The following USP3 variants were observed in gnomAD, a reference collection of about 807,000 sequenced individuals.
USP3 encodes the protein ubiquitin carboxyl-terminal hydrolase 3.
In USP3, 20 loss-of-function variants were observed where a neutral mutation model predicts 72.3. That is an observed-to-expected ratio of 0.28 (90% confidence interval 0.19 to 0.40). The LOEUF (loss-of-function observed/expected upper bound fraction) is 0.40, where lower values mean the gene tolerates loss of function less well. Among genes scored for constraint, USP3 ranks in the 10% least tolerant of loss-of-function variants. The pLI, the probability that USP3 is intolerant of heterozygous loss-of-function variation, is 1.00. For missense variants in USP3, 479 were observed against 633.9 expected (o/e 0.76, Z 2.62); for synonymous variants, 222 against 225.3 (o/e 0.99, Z 0.13).
intron 1 of USP3, among the ~76,000 whole-genome samples, chr15:63,512,290 CTCTTCTTCT>C (rs147194184): frequency 3.3e-5 from 5 of 150,560 alleles, no homozygotes; most frequent in African/African-American, 1.2e-4. Flanking sequence ...CCTCTTCTTC[CTCTTCTTCT>C]TCCTCCTCTT....
chr15:63,510,274 C>A (rs1388654760), intron 1 of USP3, among the ~76,000 whole-genome samples: 1 of 152,126 alleles, frequency 6.6e-6, no homozygotes, highest in Non-Finnish European at 1.5e-5. Context: ...AAATTTGAGT[C>A]CCTCTTCCAT....
intron 3 of USP3, among the ~76,000 whole-genome samples, chr15:63,539,289 A>T (rs1320775130): frequency 6.6e-6 from 1 of 152,164 alleles, no homozygotes; most frequent in African/African-American, 2.4e-5. Flanking sequence ...ATAGTACCAG[A>T]TACTGAGAAC....
intron 1 of USP3, among the ~76,000 whole-genome samples, chr15:63,523,828 T>C (rs908203162): frequency 6.6e-6 from 1 of 152,182 alleles, no homozygotes; most frequent in Non-Finnish European, 1.5e-5. Context: ...TTGTAATTAT[T>C]TAGAAGCATT....
intron 7 of USP3, among the ~76,000 whole-genome samples, chr15:63,561,828 A>G (rs141744071): frequency 1.3e-5 from 2 of 152,354 alleles, no homozygotes; most frequent in East Asian, 3.9e-4. Flanking sequence ...AGGGTTGAGA[A>G]AGAAGATATT....
rs1482365902 is a variant in USP3 at position 63,528,185 on chromosome 15, G to A, written c.92-4462G>A. The A allele has an allele frequency of 6.6e-6, 1 of 152,202 alleles. No homozygotes were observed. The highest frequency in any genetic ancestry group is 6.5e-5 in the Admixed American group (1 of 15,284). The allele number at this position is 152,202 out of a possible 1,614,324, so 9.4% of individuals were successfully genotyped here. On this transcript the variant is annotated intron_variant, in intron 1 of 14. Coordinates refer to ENST00000380324, the MANE Select transcript of USP3 (RefSeq NM_006537.4). The surrounding 1 kb of genome is among the most constrained non-coding windows in gnomAD (Gnocchi z 4.3). ...CTGAGAAGTGAGACACTGCAGTCAG[G>A]GTTGGAAGAATCCAAGTAAACCGAA...
At chr15:63,510,457 A>G (rs183091069) in intron 1 of USP3, among the ~76,000 whole-genome samples, 45 of 152,246 alleles carry the variant, frequency 3.0e-4, no homozygotes, top group Admixed American at 2.3e-3. Context: ...ACATACATAC[A>G]GGTTTGTGTT....
intron 3 of USP3, among the ~76,000 whole-genome samples, chr15:63,540,722 T>C (rs1272482146): frequency 1.3e-5 from 2 of 152,198 alleles, no homozygotes; most frequent in African/African-American, 4.8e-5. Context: ...TAAATCAGGT[T>C]ACTGTTCATT....
At position 63,574,472 on chromosome 15, in the gene USP3, A is replaced by G. The variant is rs563397370; in HGVS notation, c.1096+69A>G. ...TTGAATAGATTGATAAGCTTCATCT[A>G]TATGTGGTATCTTTAATTAATATCT... On this transcript the variant is annotated intron_variant, in intron 11 of 14. Transcript: ENST00000380324. The surrounding 1 kb of genome is among the most constrained non-coding windows in gnomAD (Gnocchi z 4.6). 8.5e-7 allele frequency: 1 copy of G among 1,176,130 alleles called. No individual in the cohort carries two copies. Among genetic ancestry groups the G allele is most frequent in the Admixed American group, 2.6e-5 (1 of 38,986 alleles). 72.9% of individuals were successfully genotyped at this position (1,176,130 alleles called of 1,614,324 possible). A position where few individuals can be genotyped will look rare whatever the true frequency, so the allele number is the denominator to read the frequency against.
At chr15:63,556,229 C>T (rs185759472) in intron 4 of USP3, 2 of 153,388 alleles carry the variant, frequency 1.3e-5, no homozygotes, top group African/African-American at 4.8e-5. Context: ...TCTATTAAGA[C>T]AAATGAGCAA....
intron 11 of USP3, among the ~76,000 whole-genome samples, chr15:63,580,955 C>T (rs1244031702): frequency 4.6e-5 from 7 of 151,792 alleles, no homozygotes; most frequent in Admixed American, 2.0e-4. Context: ...ATTGCAGGCA[C>T]GAGCCACCAT....
chr15:63,511,935 A>G (rs1025566711), intron 1 of USP3, among the ~76,000 whole-genome samples: 1 of 151,556 alleles, frequency 6.6e-6, no homozygotes, highest in Admixed American at 6.6e-5. Flanking sequence ...ATAAAAACTA[A>G]AACTAGTAAC....
At chr15:63,575,152 A>G (rs541046988) in intron 11 of USP3, among the ~76,000 whole-genome samples, 90 of 134,620 alleles carry the variant, frequency 6.7e-4, no homozygotes, top group African/African-American at 2.5e-3. Flanking sequence ...GAGTATTGTC[A>G]TGATGGTTTT....
At chr15:63,518,932 AT>A (rs1307953303) in intron 1 of USP3, among the ~76,000 whole-genome samples, 58 of 152,054 alleles carry the variant, frequency 3.8e-4, no homozygotes, top group Admixed American at 4.6e-4. Flanking sequence ...CGCCCGGCTA[AT>A]TTTTTGTATT....
Position 63,544,101 on chromosome 15 carries a change from A to T in USP3, c.284+6945A>T, listed in dbSNP as rs1319244414. 1 of 150,982 alleles carries T rather than the reference A, an allele frequency of 6.6e-6. No individual in the cohort carries two copies. Among genetic ancestry groups the T allele is most frequent in the African/African-American group, 2.4e-5 (1 of 41,252 alleles). The allele number at this position is 150,982 out of a possible 1,614,324, so 9.4% of individuals were successfully genotyped here. A position where few individuals can be genotyped will look rare whatever the true frequency, so the allele number is the denominator to read the frequency against. On this transcript the variant is annotated intron_variant, in intron 3 of 14. Transcript: ENST00000380324. This position sits in a 1 kb window ranked among gnomAD's most constrained non-coding sequence, Gnocchi z 4.2. Reference sequence around the variant, plus strand: ...ATAGTATGAAGATATTGTGAATAGCAAGACATTTAATATAGTTTATTTCAT... The same window carrying T: ...ATAGTATGAAGATATTGTGAATAGCTAGACATTTAATATAGTTTATTTCAT...
rs1225959131 is a variant in USP3 at position 63,526,231 on chromosome 15, C to T, written c.92-6416C>T. On this transcript the variant is annotated intron_variant, in intron 1 of 14. Coordinates refer to ENST00000380324, the MANE Select transcript of USP3 (RefSeq NM_006537.4). ...TAGTACATACATAGACTCAGAAACA[C>T]ATAGCATGTTATCTTTTTAAAACAA... Among the ~76,000 whole-genome samples the T allele has an allele frequency of 2.6e-5, 4 of 152,262 alleles. No individual in the cohort carries two copies. In the East Asian group the frequency reaches 7.7e-4, roughly 29 times the overall value.
chr15:63,588,305 A>T lies in USP3; in HGVS notation c.1097A>T (p.Asp366Val). ...ATGCTGCCAAAATCAATTTGTTTAG[A>T]TTGTCTTCGCAGTTTTACCGACTTA... ...QENGPVCSLRDCLRSFTDLEE... is the reference protein window; with the variant it reads ...QENGPVCSLRVCLRSFTDLEE... Residue 366 changes from aspartate to valine, a missense_variant and splice_region_variant, in exon 12 of 15, where the codon GAT becomes GTT. Coordinates refer to ENST00000380324, the MANE Select transcript of USP3 (RefSeq NM_006537.4). The surrounding 1 kb of genome is among the most constrained non-coding windows in gnomAD (Gnocchi z 4.6). The T allele has an allele frequency of 6.3e-7, 1 of 1,593,024 alleles. No homozygotes were observed.
At chr15:63,547,719 C>G (rs2066350932) in intron 3 of USP3, among the ~76,000 whole-genome samples, 1 of 85,638 alleles carries the variant, frequency 1.2e-5, no homozygotes, top group African/African-American at 4.9e-5. Context: ...GACCCTGTCT[C>G]AATAGAGAGA....
Position 63,556,587 on chromosome 15 carries a change from C to T in USP3, c.369-80C>T, listed in dbSNP as rs1042857238. ...GTCTCCATGCCCTAGGTGTTGAGGG[C>T]AGCTGGAGTTTATTCTTTCACCTGT... is the stretch of plus-strand genomic sequence containing the variant. On this transcript the variant is annotated intron_variant, in intron 4 of 14. Transcript: ENST00000380324. The T allele has an allele frequency of 1.5e-5, 17 of 1,140,142 alleles. 1 individual carries two copies. Among genetic ancestry groups the T allele is most frequent in the East Asian group, 1.1e-4 (4 of 37,934 alleles). 70.6% of individuals were successfully genotyped at this position (1,140,142 alleles called of 1,614,324 possible). A position where few individuals can be genotyped will look rare whatever the true frequency, so the allele number is the denominator to read the frequency against.
At chr15:63,561,000 G>A (rs2066599544) in intron 7 of USP3, among the ~76,000 whole-genome samples, 1 of 152,150 alleles carries the variant, frequency 6.6e-6, no homozygotes, top group Admixed American at 6.5e-5. Flanking sequence ...ATAATGGGCA[G>A]TAGGGCGAGA....
Sources: allele counts gnomAD v4.1 joint callset (sites outside exome capture counted in the v4.1 genomes callset), GRCh38; gene constraint gnomAD v4.1.1; non-coding constraint Gnocchi (gnomAD v3.1); transcripts MANE v1.5; gene names NCBI Gene and HGNC (gene_info 2026-07-23, HGNC 2026-07-21).